The following CAMK1D variants were observed in gnomAD, a reference collection of about 807,000 sequenced individuals.
CAMK1D encodes calcium/calmodulin-dependent protein kinase type 1D.
Under a neutral mutation model 47.7 loss-of-function variants are expected in CAMK1D, and 9 were observed. That is an observed-to-expected ratio of 0.19 (90% CI 0.11 to 0.33). The LOEUF (loss-of-function observed/expected upper bound fraction) is 0.33. Among genes scored for constraint, CAMK1D ranks in the 10% least tolerant of loss-of-function variants. The probability of loss-of-function intolerance (pLI) is 1.00; values close to 1 mark genes in which losing one functional copy is unlikely to be tolerated. For synonymous variants in CAMK1D, 184 were observed against 184.9 expected, an observed-to-expected ratio of 0.99 and a Z score of 0.04; for missense variants, 291 against 488.7, an observed-to-expected ratio of 0.60 and a Z score of 3.81.
intron 1 of CAMK1D, among the ~76,000 whole-genome samples, chr10:12,499,963 A>G (rs1834651213): frequency 6.6e-6 from 1 of 152,124 alleles, no homozygotes; most frequent in African/African-American, 2.4e-5. Context: ...GGGTCTGTGG[A>G]GTATAGAAGA....
chr10:12,501,083 C>T (rs1313298008), intron 1 of CAMK1D, among the ~76,000 whole-genome samples: 3 of 152,330 alleles, frequency 2.0e-5, no homozygotes, highest in Middle Eastern at 3.4e-3. Flanking sequence ...TCCCCTTTCC[C>T]GTACTCCACC....
intron 1 of CAMK1D, among the ~76,000 whole-genome samples, chr10:12,551,883 G>T (rs530040781): frequency 6.6e-6 from 1 of 152,224 alleles, no homozygotes; most frequent in Non-Finnish European, 1.5e-5. Context: ...ACTGAAGAAG[G>T]TAGGGCCTGA....
intron 3 of CAMK1D, among the ~76,000 whole-genome samples, chr10:12,714,069 G>A (rs1256714338): frequency 6.6e-6 from 1 of 152,166 alleles, no homozygotes; most frequent in Non-Finnish European, 1.5e-5. Flanking sequence ...CCACTGTAAG[G>A]ACATCCCTGC....
intron 3 of CAMK1D, among the ~76,000 whole-genome samples, chr10:12,755,195 A>T (rs1836173126): frequency 6.6e-6 from 1 of 152,226 alleles, no homozygotes; most frequent in African/African-American, 2.4e-5. Context: ...GTTGCATGAA[A>T]TGAAAACTTA....
chr10:12,739,961 G>C (rs1835358172), intron 3 of CAMK1D, among the ~76,000 whole-genome samples: 1 of 152,172 alleles, frequency 6.6e-6, no homozygotes, highest in South Asian at 2.1e-4. Context: ...AAGATTTACT[G>C]TAGTAATGAA....
At chr10:12,819,332 C>A (rs74118630) in intron 8 of CAMK1D, among the ~76,000 whole-genome samples, 1,699 of 152,280 alleles carry the variant, frequency 0.011, 33 homozygotes, top group African/African-American at 0.038. Context: ...ATGTGCGTTC[C>A]TGGTGCCCTG....
At chr10:12,802,398 C>T (rs746579223) in intron 6 of CAMK1D, among the ~76,000 whole-genome samples, 61 of 152,170 alleles carry the variant, frequency 4.0e-4, no homozygotes, top group African/African-American at 1.4e-3. Context: ...TTCTCCAGGC[C>T]CTTTCTCCAC....
chr10:12,430,000 C>A (rs1327849469), intron 1 of CAMK1D, among the ~76,000 whole-genome samples: 2 of 152,014 alleles, frequency 1.3e-5, no homozygotes, highest in Non-Finnish European at 2.9e-5. Context: ...ACTTTGTCTC[C>A]CACATTCTCT....
chr10:12,763,085 A>G (rs1836580641), intron 4 of CAMK1D, among the ~76,000 whole-genome samples: 1 of 152,144 alleles, frequency 6.6e-6, no homozygotes, highest in Non-Finnish European at 1.5e-5. Flanking sequence ...AACCTACGTA[A>G]TGCTTTTGGA....
At chr10:12,751,087 A>AAGGCT (rs1252980199) in intron 3 of CAMK1D, among the ~76,000 whole-genome samples, 1 of 87,356 alleles carries the variant, frequency 1.1e-5, no homozygotes, top group Non-Finnish European at 2.3e-5. Context: ...ATAAGATAAG[A>AAGGCT]TAAGATAAGA....
chr10:12,525,321 G>C (rs1835585292), intron 1 of CAMK1D, among the ~76,000 whole-genome samples: 1 of 151,694 alleles, frequency 6.6e-6, no homozygotes, highest in Non-Finnish European at 1.5e-5. Context: ...TTTTTTTTCT[G>C]TACCAATCTC....
intron 1 of CAMK1D, among the ~76,000 whole-genome samples, chr10:12,388,954 A>C (rs1012580516): frequency 6.6e-6 from 1 of 152,168 alleles, no homozygotes; most frequent in Admixed American, 6.5e-5. Flanking sequence ...TTGCGATTTC[A>C]CTTGGGAAGC....
At chr10:12,561,098 T>A (rs766124611) in intron 2 of CAMK1D, among the ~76,000 whole-genome samples, 65 of 152,014 alleles carry the variant, frequency 4.3e-4, no homozygotes, top group Non-Finnish European at 8.2e-4. Context: ...GTATTTTTTT[T>A]AATAGAGACA....
rs1280190705 is a variant in CAMK1D, at chr10:12,616,147, TAC to T, written c.225-50588_225-50587del. Among the ~76,000 whole-genome samples, 3 of 152,100 alleles carry T rather than the reference TAC, an allele frequency of 2.0e-5. No homozygotes were observed. The East Asian group carries it at 5.8e-4, about 29-fold the overall frequency. On this transcript the variant is annotated intron_variant, in intron 2 of 10. Transcript: ENST00000619168. ...GTATATGTAGGTGTGTGTATAAATG[TAC>T]GTGTGTGAATGTATATGTGTGTAGT... is the stretch of plus-strand genomic sequence containing the variant.
chr10:12,602,092 C>T (rs1397914922), intron 2 of CAMK1D, among the ~76,000 whole-genome samples: 1 of 152,240 alleles, frequency 6.6e-6, no homozygotes, highest in Non-Finnish European at 1.5e-5. Flanking sequence ...GTTTGCCTTC[C>T]TCATACTCCC....
At chr10:12,514,542 A>G (rs575555293) in intron 1 of CAMK1D, among the ~76,000 whole-genome samples, 2 of 152,352 alleles carry the variant, frequency 1.3e-5, no homozygotes, top group African/African-American at 4.8e-5. Flanking sequence ...TTTTACAGAT[A>G]AGGCCTAAAG....
At chr10:12,823,482 G>A (rs1328317655) in intron 8 of CAMK1D, among the ~76,000 whole-genome samples, 2 of 151,938 alleles carry the variant, frequency 1.3e-5, no homozygotes, top group Non-Finnish European at 2.9e-5. Flanking sequence ...GGCTGTGATC[G>A]AGAAGGGCAT....
intron 2 of CAMK1D, among the ~76,000 whole-genome samples, chr10:12,589,469 G>A (rs1425850261): frequency 6.6e-6 from 1 of 152,200 alleles, no homozygotes; most frequent in African/African-American, 2.4e-5. Context: ...GACCGTGCTT[G>A]CTTTGCCTTT....
chr10:12,448,796 A>T (rs1037963473), intron 1 of CAMK1D, among the ~76,000 whole-genome samples: 2 of 152,184 alleles, frequency 1.3e-5, no homozygotes, highest in Non-Finnish European at 2.9e-5. Context: ...CCGGTGAAAA[A>T]CATGAAATGT....
Sources: allele counts gnomAD v4.1 joint callset (sites outside exome capture counted in the v4.1 genomes callset), GRCh38; gene constraint gnomAD v4.1.1; transcripts MANE v1.5; gene names NCBI Gene and HGNC (gene_info 2026-07-23, HGNC 2026-07-21).